The following STRN3 variants were observed in gnomAD, a reference collection of about 807,000 sequenced individuals.
STRN3 encodes the protein striatin 3, also known as striatin-3.
A neutral mutation model predicts 95.6 loss-of-function variants in STRN3; 29 were observed. The observed-to-expected ratio is 0.30, with a 90% CI of 0.23 to 0.41. The LOEUF (loss-of-function observed/expected upper bound fraction) is 0.41, where lower values mean the gene tolerates loss of function less well. Among genes scored for constraint, STRN3 ranks in the 10% least tolerant of loss-of-function variants. The probability of loss-of-function intolerance (pLI) is 1.00; values close to 1 mark genes in which losing one functional copy is unlikely to be tolerated. For missense variants in STRN3, 890 were observed against 972.1 expected (o/e 0.92, Z 1.12); for synonymous variants, 331 against 357.6 (o/e 0.93, Z 0.84).
intron 1 of STRN3, among the ~76,000 whole-genome samples, chr14:30,971,598 A>G (rs992219085): frequency 2.6e-5 from 4 of 152,234 alleles, no homozygotes; most frequent in South Asian, 2.1e-4. Flanking sequence ...CTTAGACACG[A>G]TATTAGCAGA....
chr14:30,957,531 T>G (rs1879982193), intron 1 of STRN3, among the ~76,000 whole-genome samples: 1 of 152,084 alleles, frequency 6.6e-6, no homozygotes, highest in South Asian at 2.1e-4. Flanking sequence ...CAAATTCCAT[T>G]TTAATTCTTG....
Position 30,984,410 on chromosome 14 carries a change from A to C in STRN3, c.283-28168T>G, listed in dbSNP as rs7157398. Among the ~76,000 whole-genome samples the C allele has an allele frequency of 5.1e-3, 777 of 151,746 alleles. 3 individuals carry two copies. The highest frequency in any genetic ancestry group is 0.017 in the African/African-American group (721 of 41,356). The stretch of plus-strand genomic sequence containing the variant: ...CAGAGCGAGACTCCATCTCAAAAAA[A>C]CTTTGCTGTTAGTTAAGCCACCTAA... On this transcript the variant is annotated intron_variant, in intron 1 of 17. Transcript: ENST00000357479.
chr14:30,919,194 A>G, intron 8 of STRN3, 88 bp from the exon 9 acceptor site: 1 of 1,312,588 alleles, frequency 7.6e-7, no homozygotes, highest in Admixed American at 2.7e-5. Context: ...TTAACAAAAC[A>G]GACTATTAAG....
rs567199847 is a variant in STRN3, at chr14:31,020,574, A to G, written c.282+5330T>C. ...CCATTACATATACAGGTTTCCTATC[A>G]CCATTTATTCTCTCAGCATTCTGCT... On this transcript the variant is annotated intron_variant, in intron 1 of 17. Transcript: ENST00000357479. Among the ~76,000 whole-genome samples, 3 of 151,918 alleles carry G rather than the reference A, an allele frequency of 2.0e-5. No homozygotes were observed. In the South Asian group the frequency reaches 6.2e-4, roughly 31 times the overall value.
chr14:30,944,482 TAATA>T (rs1475141508), intron 5 of STRN3, among the ~76,000 whole-genome samples: 6 of 148,148 alleles, frequency 4.1e-5, no homozygotes, highest in Non-Finnish European at 8.9e-5. Flanking sequence ...TATATATACA[TAATA>T]TATACACATA....
At chr14:30,996,035 T>C (rs7155894) in intron 1 of STRN3, among the ~76,000 whole-genome samples, 96,848 of 152,116 alleles carry the variant, frequency 0.64, 31,839 homozygotes, top group Non-Finnish European at 0.73. Flanking sequence ...AGTTCCACAT[T>C]GGGTTCAAGT....
At chr14:30,961,695 C>CAG (rs1332024873) in intron 1 of STRN3, among the ~76,000 whole-genome samples, 2 of 152,180 alleles carry the variant, frequency 1.3e-5, no homozygotes, top group Non-Finnish European at 2.9e-5. Context: ...AGTCACAGAT[C>CAG]ACTGTACCCT....
chr14:30,933,301 A>C (rs1403403551), intron 7 of STRN3, among the ~76,000 whole-genome samples: 1 of 150,752 alleles, frequency 6.6e-6, no homozygotes, highest in African/African-American at 2.4e-5. Flanking sequence ...AAAAAAAAAA[A>C]AAAACGATGC....
At chr14:30,959,822 G>GA (rs1264533387) in intron 1 of STRN3, among the ~76,000 whole-genome samples, 2 of 151,644 alleles carry the variant, frequency 1.3e-5, no homozygotes, top group Non-Finnish European at 2.9e-5. Flanking sequence ...AAGTAACTAG[G>GA]AAAAAACCAC....
At chr14:30,989,688 G>A (rs1406766710) in intron 1 of STRN3, among the ~76,000 whole-genome samples, 1 of 152,076 alleles carries the variant, frequency 6.6e-6, no homozygotes. Flanking sequence ...TCTATCTCCT[G>A]ACCTCGTGAT....
chr14:30,992,145 C>T (rs1173161397), intron 1 of STRN3, among the ~76,000 whole-genome samples: 1 of 152,052 alleles, frequency 6.6e-6, no homozygotes, highest in African/African-American at 2.4e-5. Context: ...TGCAGTGGCT[C>T]ATGCCTGTAA....
intron 1 of STRN3, among the ~76,000 whole-genome samples, chr14:30,982,708 GA>G (rs1271543143): frequency 6.6e-6 from 1 of 152,172 alleles, no homozygotes; most frequent in African/African-American, 2.4e-5. Context: ...TCCATAAAAA[GA>G]GGAAGTTTAC....
At chr14:30,972,873 A>ACAG (rs1339365508) in intron 1 of STRN3, among the ~76,000 whole-genome samples, 3 of 152,260 alleles carry the variant, frequency 2.0e-5, no homozygotes, top group Non-Finnish European at 4.4e-5. Context: ...AAATGAACTT[A>ACAG]CAGCAAACAA....
At position 31,013,019 on chromosome 14, in the gene STRN3, G is replaced by A. The variant is rs556491505; in HGVS notation, c.282+12885C>T. Reference sequence around the variant, plus strand: ...CATGCCTATAATCCCAGCACTTTGAGAGGCTGAGGTGGGCAGAATGCTTGA... The same window carrying A: ...CATGCCTATAATCCCAGCACTTTGAAAGGCTGAGGTGGGCAGAATGCTTGA... On this transcript the variant is annotated intron_variant, in intron 1 of 17. Coordinates refer to ENST00000357479, the MANE Select transcript of STRN3 (RefSeq NM_001083893.2). Among the ~76,000 whole-genome samples the A allele has an allele frequency of 2.0e-5, 3 of 152,298 alleles. No individual in the cohort carries two copies. The South Asian group carries it at 6.2e-4, about 32-fold the overall frequency.
At chr14:31,020,882 G>A (rs890090570) in intron 1 of STRN3, among the ~76,000 whole-genome samples, 11 of 152,096 alleles carry the variant, frequency 7.2e-5, no homozygotes, top group Non-Finnish European at 1.0e-4. Context: ...CTCCAGCCTC[G>A]GCAACAGAGT....
rs1566421013 is a variant in STRN3 at position 30,895,094 on chromosome 14, G to GAGAA, written c.*316_*317insTTCT. 3.7e-5 allele frequency: 4 copies of GAGAA among 108,112 alleles called. No homozygotes were observed. The highest frequency in any genetic ancestry group is 4.9e-5 in the African/African-American group (1 of 20,582). The allele number at this position is 108,112 out of a possible 1,614,324, so 6.7% of individuals were successfully genotyped here. ...AAAAAAAAAAAGAAGAAGAAGAAGA[G>GAGAA]AAAAAAAAAAACTTTTTTGAAAGAT... On this transcript the variant is annotated 3_prime_UTR_variant, in exon 18 of 18. Transcript: ENST00000357479.
chr14:31,021,035 A>G (rs1883481371), intron 1 of STRN3, among the ~76,000 whole-genome samples: 1 of 152,222 alleles, frequency 6.6e-6, no homozygotes, highest in Admixed American at 6.5e-5. Flanking sequence ...TGCTGGAATC[A>G]ATAAAACTCA....
At chr14:31,009,945 A>AT (rs958174129) in intron 1 of STRN3, among the ~76,000 whole-genome samples, 13 of 151,954 alleles carry the variant, frequency 8.6e-5, no homozygotes, top group African/African-American at 3.1e-4. Context: ...TGAAAAAAAA[A>AT]TTTTTTAAGT....
chr14:31,003,930 G>A (rs1594570480), intron 1 of STRN3, among the ~76,000 whole-genome samples: 1 of 151,378 alleles, frequency 6.6e-6, no homozygotes, highest in African/African-American at 2.4e-5. Context: ...AGGCCTCCCA[G>A]GCACTTAAGC....
Sources: allele counts gnomAD v4.1 joint callset (sites outside exome capture counted in the v4.1 genomes callset), GRCh38; gene constraint gnomAD v4.1.1; transcripts MANE v1.5; gene names NCBI Gene and HGNC (gene_info 2026-07-23, HGNC 2026-07-21).